ANKDD1B: variants seen among roughly 807,000 people sequenced by gnomAD.
ANKDD1B encodes ankyrin repeat and death domain containing 1B.
A neutral mutation model predicts 59.7 loss-of-function variants in ANKDD1B; 57 were observed. The observed-to-expected ratio is 0.95, with a 90% CI of 0.77 to 1.19. The LOEUF (loss-of-function observed/expected upper bound fraction) is 1.19. ANKDD1B is among the 50% of genes most tolerant of loss of function. The pLI, the probability that ANKDD1B is intolerant of heterozygous loss-of-function variation, is 0.00. For synonymous variants in ANKDD1B, 216 were observed against 239.5 expected (o/e 0.90, Z 0.91); for missense variants, 602 against 641.9 (o/e 0.94, Z 0.67).
chr5:75,613,553 T>C (rs1773628851), intron 1 of ANKDD1B, among the ~76,000 whole-genome samples: 1 of 152,168 alleles, frequency 6.6e-6, no homozygotes, highest in Non-Finnish European at 1.5e-5. Context: ...TCCTATTACT[T>C]CTGTTTTCAC....
At chr5:75,664,914 TA>T (rs1775266914) in intron 11 of ANKDD1B, among the ~76,000 whole-genome samples, 1 of 152,232 alleles carries the variant, frequency 6.6e-6, no homozygotes, top group African/African-American at 2.4e-5. Flanking sequence ...CATCTTTAAA[TA>T]TTTTTTTAAC....
intron 7 of ANKDD1B, among the ~76,000 whole-genome samples, chr5:75,637,234 C>A (rs1774336689): frequency 1.5e-5 from 1 of 65,150 alleles, no homozygotes; most frequent in Admixed American, 2.4e-4. Flanking sequence ...GACAGAGACT[C>A]TGTCTCAAAA....
chr5:75,634,824 C>A, intron 5 of ANKDD1B, 74 bp from the exon 6 acceptor site: 1 of 946,000 alleles, frequency 1.1e-6, no homozygotes, highest in Non-Finnish European at 1.6e-6. Context: ...CTTGAAATGT[C>A]GCTAGCTTTG....
chr5:75,653,389 G>A, intron 8 of ANKDD1B, 149 bp downstream of exon 8: 1 of 605,566 alleles, frequency 1.7e-6, no homozygotes. Context: ...TCTTTTGGAG[G>A]CTGAGTCTTA....
intron 7 of ANKDD1B, among the ~76,000 whole-genome samples, chr5:75,648,886 T>G (rs552769839): frequency 9.2e-5 from 14 of 152,344 alleles, no homozygotes; most frequent in African/African-American, 3.4e-4. Context: ...GAGTCTTGGT[T>G]TCCAGGAGAT....
chr5:75,611,557 G>C lies in ANKDD1B; in HGVS notation c.-78G>C. ...CGCGCCCTGGGCCTGCCTGGGTCTGGATCTGTGTCCGAGTCTGGGTCTGGA... is the reference window on the plus strand; with the variant it reads ...CGCGCCCTGGGCCTGCCTGGGTCTGCATCTGTGTCCGAGTCTGGGTCTGGA... On this transcript the variant is annotated 5_prime_UTR_variant, in exon 1 of 14. Coordinates refer to ENST00000601380, the MANE Select transcript of ANKDD1B (RefSeq NM_001276713.2). 8.6e-7 allele frequency: 1 copy of C among 1,160,404 alleles called. No individual in the cohort carries two copies. The highest frequency in any genetic ancestry group is 4.5e-5 in the South Asian group (1 of 22,410). The allele number at this position is 1,160,404 out of a possible 1,614,324, so 71.9% of individuals were successfully genotyped here.
chr5:75,669,698 AT>A (rs1053937620), intron 13 of ANKDD1B, among the ~76,000 whole-genome samples: 49 of 152,268 alleles, frequency 3.2e-4, no homozygotes, highest in African/African-American at 1.0e-3. Context: ...GTGCTAAACT[AT>A]CCCATACAGT....
intron 3 of ANKDD1B, among the ~76,000 whole-genome samples, chr5:75,621,789 A>T (rs1446999224): frequency 6.6e-6 from 1 of 152,194 alleles, no homozygotes; most frequent in Non-Finnish European, 1.5e-5. Flanking sequence ...TGATGGAGAG[A>T]TATTTCACCA....
intron 5 of ANKDD1B, among the ~76,000 whole-genome samples, chr5:75,633,292 A>C (rs1774214376): frequency 6.6e-6 from 1 of 152,200 alleles, no homozygotes; most frequent in African/African-American, 2.4e-5. Flanking sequence ...CCCAAGAATG[A>C]TGAATTAGGT....
chr5:75,660,358 T>G (rs1775099978), intron 10 of ANKDD1B, among the ~76,000 whole-genome samples: 1 of 152,282 alleles, frequency 6.6e-6, no homozygotes, highest in South Asian at 2.1e-4. Flanking sequence ...TTTGCCTTTT[T>G]GTGACTGGCT....
intron 7 of ANKDD1B, among the ~76,000 whole-genome samples, chr5:75,642,042 A>G (rs960680013): frequency 9.8e-5 from 15 of 152,332 alleles, no homozygotes; most frequent in African/African-American, 3.6e-4. Flanking sequence ...ATATGTTGCA[A>G]TATTGAACAT....
At position 75,636,311 on chromosome 5, in the gene ANKDD1B, T is replaced by C. The variant is rs187251007; in HGVS notation, c.798+429T>C. ...CTGGGTCTTGACATTGTAATGAACG[T>C]TGGCAGGAGGGATTTTGAGGATGGC... is the stretch of plus-strand genomic sequence containing the variant. On this transcript the variant is annotated intron_variant, in intron 7 of 13. Transcript: ENST00000601380. Among the ~76,000 whole-genome samples, 3 of 152,268 alleles carry C rather than the reference T, an allele frequency of 2.0e-5. No homozygotes were observed. In the East Asian group the frequency reaches 5.8e-4, roughly 29 times the overall value.
At chr5:75,670,519 A>G (rs1326614406) in intron 13 of ANKDD1B, among the ~76,000 whole-genome samples, 1 of 148,832 alleles carries the variant, frequency 6.7e-6, no homozygotes. Flanking sequence ...TCTGTTTAGA[A>G]ATAACTCCAA....
intron 7 of ANKDD1B, among the ~76,000 whole-genome samples, chr5:75,647,405 GA>G (rs1404556220): frequency 3.2e-5 from 4 of 126,426 alleles, no homozygotes; most frequent in Non-Finnish European, 6.2e-5. Flanking sequence ...AAATTTACAA[GA>G]AAAAAACAAA....
At chr5:75,619,254 A>G (rs2112956082) in intron 2 of ANKDD1B, among the ~76,000 whole-genome samples, 1 of 152,394 alleles carries the variant, frequency 6.6e-6, no homozygotes, top group East Asian at 1.9e-4. Flanking sequence ...ACGCCATCAC[A>G]ACCTTACACA....
In ANKDD1B at chr5:75,659,336, G is replaced by A. The variant is rs1775056026; in HGVS notation, c.1050G>A (p.Val350=). ...VAADRGNVEL[V]ETLLKAGCDL... is the part of the protein sequence containing the mutation. ...CTGATCGTGGAAATGTGGAACTGGT[G>A]GAAACCCTGCTGAAGGCAGGCTGTG... Residue 350 remains valine (V), a synonymous_variant, in exon 10 of 14, where the codon GTG becomes GTA. Coordinates refer to ENST00000601380, the MANE Select transcript of ANKDD1B (RefSeq NM_001276713.2). The A allele has an allele frequency of 6.5e-7, 1 of 1,536,084 alleles. No individual in the cohort carries two copies.
rs182306121 is a variant in ANKDD1B, at chr5:75,639,342, G to A, written c.798+3460G>A. On this transcript the variant is annotated intron_variant, in intron 7 of 13. Transcript: ENST00000601380. ...CTCCTGAGTAGCTGGGATTACAGGC[G>A]CATGCCACCACGCCAGGCTAATTTT... Among the ~76,000 whole-genome samples, 26 of 152,090 alleles carry A rather than the reference G, an allele frequency of 1.7e-4. No homozygotes were observed. The East Asian group carries it at 2.9e-3, about 17-fold the overall frequency.
Position 75,667,178 on chromosome 5 carries a change from A to C in ANKDD1B, c.1393+185A>C, listed in dbSNP as rs185250705. On this transcript the variant is annotated intron_variant, in intron 12 of 13. Coordinates refer to ENST00000601380, the MANE Select transcript of ANKDD1B (RefSeq NM_001276713.2). ...GATTTGGGCATTAAGATTTGCAGAA[A>C]GTGAACACTCATGGTCTGCAGTAAA... 3.0e-3 allele frequency among the ~76,000 whole-genome samples: 451 copies of C among 152,378 alleles called. 4 individuals are homozygous for C. The highest frequency in any genetic ancestry group is 0.017 in the Middle Eastern group (5 of 294).
intron 9 of ANKDD1B, 77 bp downstream of exon 9, chr5:75,656,204 T>C: frequency 1.4e-6 from 1 of 690,982 alleles, no homozygotes; most frequent in Non-Finnish European, 2.4e-6. Flanking sequence ...GGAGTTTTGA[T>C]TAAGTTCAAG....
Sources: gnomAD v4.1 joint callset for allele counts (sites outside exome capture counted in the v4.1 genomes callset) on GRCh38, gnomAD v4.1.1 for gene constraint, MANE v1.5 for transcripts, NCBI Gene and HGNC (gene_info 2026-07-23, HGNC 2026-07-21) for gene names.